CPS1: variants seen among roughly 807,000 people sequenced by gnomAD.
The protein encoded by CPS1 is carbamoyl-phosphate synthase 1.
A neutral mutation model predicts 174.6 loss-of-function variants in CPS1; 109 were observed. That is an observed-to-expected ratio of 0.62 (90% CI 0.53 to 0.73). The LOEUF is 0.73. Ranked by LOEUF, CPS1 falls within the 30% of genes least tolerant of loss-of-function variation. The pLI is 0.00. For synonymous variants in CPS1, 637 were observed against 632.0 expected (o/e 1.01, Z -0.12); for missense variants, 1,689 against 1,821.9 (o/e 0.93, Z 1.33).
chr2:210,540,624 A>G (rs184875695), intron 1 of CPS1, among the ~76,000 whole-genome samples: 65 of 152,316 alleles, frequency 4.3e-4, no homozygotes, highest in African/African-American at 1.5e-3. Flanking sequence ...TTTAAATTCT[A>G]TCAGCAAACC....
At chr2:210,613,583 T>C (rs1204605038) in intron 20 of CPS1, among the ~76,000 whole-genome samples, 1 of 151,850 alleles carries the variant, frequency 6.6e-6, no homozygotes, top group African/African-American at 2.4e-5. Context: ...TGTATATATA[T>C]ATATAAAATT....
chr2:210,648,656 C>T (rs908561651), intron 27 of CPS1, 116 bp downstream of exon 27: 2 of 899,710 alleles, frequency 2.2e-6, no homozygotes, highest in Non-Finnish European at 3.7e-6. Context: ...AATCCATTAA[C>T]AATTTCCAAA....
rs768180035 is a variant in CPS1, at chr2:210,594,504, C to T, written c.1165-4C>T. On this transcript the variant is annotated splice_region_variant and splice_polypyrimidine_tract_variant and intron_variant, in intron 11 of 37. Transcript: ENST00000233072. Reference sequence around the variant, plus strand: ...TCTAACTAGTTGGTTGTATTTTTTTCTAGTACCTGTTTGATTCCTTTTTCT... The same window carrying T: ...TCTAACTAGTTGGTTGTATTTTTTTTTAGTACCTGTTTGATTCCTTTTTCT... 5 of 1,602,752 alleles carry T rather than the reference C, an allele frequency of 3.1e-6. No individual in the cohort carries two copies. The highest frequency in any genetic ancestry group is 3.4e-5 in the Admixed American group (2 of 59,652).
chr2:210,480,063 T>C lies in CPS1; in HGVS notation c.3+2297T>C, dbSNP rs1340074392. Among the ~76,000 whole-genome samples the C allele has an allele frequency of 3.3e-5, 5 of 152,180 alleles. 1 individual carries two copies. The South Asian group carries it at 8.3e-4, about 25-fold the overall frequency. ...CTCAAAACATAATCTCCAAAATACA[T>C]AGAAATGTATTTTTCTTAGTTCAGA... On this transcript the variant is annotated intron_variant, in intron 1 of 38. Coordinates refer to the CPS1 transcript ENST00000430249.
At chr2:210,502,721 C>G (rs1038927723) in intron 1 of CPS1, among the ~76,000 whole-genome samples, 1 of 152,038 alleles carries the variant, frequency 6.6e-6, no homozygotes, top group Non-Finnish European at 1.5e-5. Flanking sequence ...CCTGCCCTGA[C>G]CCTTCATAGT....
At chr2:210,539,567 G>A (rs1435004821) in intron 1 of CPS1, among the ~76,000 whole-genome samples, 1 of 152,042 alleles carries the variant, frequency 6.6e-6, no homozygotes, top group African/African-American at 2.4e-5. Flanking sequence ...TTCCAAGTTT[G>A]ACCTGCTTAC....
chr2:210,665,485 T>G (rs1348990714), intron 33 of CPS1, among the ~76,000 whole-genome samples: 1 of 94,412 alleles, frequency 1.1e-5, no homozygotes, highest in Non-Finnish European at 2.1e-5. Flanking sequence ...CTCCCCCCAC[T>G]CCACAACAGT....
At chr2:210,555,638 T>G (rs1696890165), upstream of CPS1, 1 of 455,548 alleles carries the variant, frequency 2.2e-6, no homozygotes. Flanking sequence ...ATCTTTTCTG[T>G]TATGAGAAGA....
At chr2:210,673,379 T>C (rs1389324403) in intron 34 of CPS1, 2 of 152,178 alleles carry the variant, frequency 1.3e-5, no homozygotes, top group Non-Finnish European at 2.9e-5. Context: ...ACAGGAAGTA[T>C]GTTCAGAAAT....
chr2:210,490,866 T>C (rs1281420058), intron 1 of CPS1, among the ~76,000 whole-genome samples: 1 of 152,188 alleles, frequency 6.6e-6, no homozygotes, highest in African/African-American at 2.4e-5. Context: ...GATAATATTA[T>C]CCACAGAATC....
At chr2:210,535,281 T>C (rs1414679225) in intron 1 of CPS1, among the ~76,000 whole-genome samples, 1 of 152,162 alleles carries the variant, frequency 6.6e-6, no homozygotes, top group African/African-American at 2.4e-5. Flanking sequence ...GCTTGTAGTG[T>C]TTTCTGGCTA....
chr2:210,494,534 C>A (rs1028055459), intron 1 of CPS1, among the ~76,000 whole-genome samples: 6 of 152,148 alleles, frequency 3.9e-5, no homozygotes, highest in Non-Finnish European at 5.9e-5. Flanking sequence ...AGACCCTAAA[C>A]GGCCCTATTG....
At chr2:210,544,622 A>G (rs909134967) in intron 1 of CPS1, among the ~76,000 whole-genome samples, 2 of 152,192 alleles carry the variant, frequency 1.3e-5, no homozygotes, top group African/African-American at 2.4e-5. Context: ...ATTATTTTCA[A>G]CTGGATTTAA....
At chr2:210,488,546 C>T (rs913473657) in intron 1 of CPS1, among the ~76,000 whole-genome samples, 1 of 152,196 alleles carries the variant, frequency 6.6e-6, no homozygotes, top group Admixed American at 6.5e-5. Context: ...CCTGTTTCCT[C>T]TATCTACTTT....
chr2:210,665,689 T>A (rs1574661587), intron 33 of CPS1, among the ~76,000 whole-genome samples: 3 of 151,582 alleles, frequency 2.0e-5, no homozygotes, highest in Admixed American at 1.3e-4. Flanking sequence ...TATTCCATGG[T>A]ATATATGTGC....
chr2:210,678,035 A>G lies in CPS1; in HGVS notation c.*50A>G, dbSNP rs752897106. 3 of 1,346,370 alleles carry G rather than the reference A, an allele frequency of 2.2e-6. No homozygotes were observed. Among genetic ancestry groups the G allele is most frequent in the East Asian group, 4.6e-5 (2 of 43,688 alleles). The allele number at this position is 1,346,370 out of a possible 1,614,324, so 83.4% of individuals were successfully genotyped here. On this transcript the variant is annotated 3_prime_UTR_variant, in exon 38 of 38. Transcript: ENST00000233072. Reference sequence around the variant, plus strand: ...ATTAAATCAACCTGAGCCACATGTTATCTAAAGGAACTGATTCACAACTTT... The same window carrying G: ...ATTAAATCAACCTGAGCCACATGTTGTCTAAAGGAACTGATTCACAACTTT...
chr2:210,591,802 C>A (rs1314154832), intron 9 of CPS1, 29 bp from the exon 10 acceptor site: 3 of 1,608,866 alleles, frequency 1.9e-6, no homozygotes, highest in Admixed American at 3.3e-5. Flanking sequence ...TTTTCCTTTT[C>A]CCTATTCTTT....
chr2:210,510,242 A>G (rs952150661), intron 1 of CPS1, among the ~76,000 whole-genome samples: 2 of 152,190 alleles, frequency 1.3e-5, no homozygotes, highest in African/African-American at 4.8e-5. Flanking sequence ...CAACTATCTG[A>G]TCTTTGACAA....
At chr2:210,647,365 G>A (rs1414177877) in intron 25 of CPS1, among the ~76,000 whole-genome samples, 1 of 152,130 alleles carries the variant, frequency 6.6e-6, no homozygotes, top group Non-Finnish European at 1.5e-5. Flanking sequence ...GTGCCCTGGG[G>A]GTCAAAAGTT....
Sources: gnomAD v4.1 joint callset for allele counts (sites outside exome capture counted in the v4.1 genomes callset) on GRCh38, gnomAD v4.1.1 for gene constraint, MANE v1.5 for transcripts, NCBI Gene and HGNC (gene_info 2026-07-23, HGNC 2026-07-21) for gene names.